HOOK3: variants seen among roughly 807,000 people sequenced by gnomAD.
The protein encoded by HOOK3 is hook microtubule tethering protein 3.
A neutral mutation model predicts 116.3 loss-of-function variants in HOOK3; 24 were observed. The observed-to-expected ratio is 0.21, with a 90% CI of 0.15 to 0.29. The LOEUF (loss-of-function observed/expected upper bound fraction) is 0.29. Ranked by LOEUF, HOOK3 falls within the 10% of genes least tolerant of loss-of-function variation. HOOK3 has a pLI of 1.00. For synonymous variants in HOOK3, 275 were observed against 283.0 expected, an observed-to-expected ratio of 0.97 and a Z score of 0.28; for missense variants, 632 against 830.2, an observed-to-expected ratio of 0.76 and a Z score of 2.93.
chr8:42,974,230 C>T (rs769374211), intron 13 of HOOK3, 36 bp downstream of exon 13: 1 of 1,340,366 alleles, frequency 7.5e-7, no homozygotes, highest in Non-Finnish European at 1.0e-6. Context: ...CAGATGATTT[C>T]TTTTTTTTTT....
At chr8:42,911,363 A>C (rs1807425975) in intron 2 of HOOK3, among the ~76,000 whole-genome samples, 2 of 152,090 alleles carry the variant, frequency 1.3e-5, no homozygotes, top group South Asian at 4.1e-4. Context: ...AGGAAGGAGA[A>C]TTGCTTGAAC....
rs1808713559 is a variant in HOOK3 at position 42,970,790 on chromosome 8, T to TTTTTTTTTTTTTTTTTTTTTG, written c.1123-2486_1123-2485insTTTTTTTGTTTTTTTTTTTTT. 1.3e-5 allele frequency among the ~76,000 whole-genome samples: 2 copies of TTTTTTTTTTTTTTTTTTTTTG among 148,172 alleles called. 1 individual carries two copies. Among genetic ancestry groups the TTTTTTTTTTTTTTTTTTTTTG allele is most frequent in the African/African-American group, 5.1e-5 (2 of 39,424 alleles). On this transcript the variant is annotated intron_variant, in intron 11 of 21. Transcript: ENST00000307602. ...ATAAAAGGAATTTGGGTCTTTTTTTTTTTTTTTTTTTTTCTGAGACAGGGT... is the reference window on the plus strand; with the variant it reads ...ATAAAAGGAATTTGGGTCTTTTTTTTTTTTTTTTTTTTTTTTTTTTGTTTTTTTTTTTTTCTGAGACAGGGT...
At chr8:42,925,391 C>T (rs1807744215) in intron 2 of HOOK3, among the ~76,000 whole-genome samples, 166 bp from the exon 3 acceptor site, 1 of 152,254 alleles carries the variant, frequency 6.6e-6, no homozygotes, top group South Asian at 2.1e-4. Context: ...AGCCACCATA[C>T]CTGGCCAACT....
rs775990816 is a variant in HOOK3 at position 42,964,457 on chromosome 8, C to A, written c.762C>A (p.Leu254=). 2 of 1,611,086 alleles carry A rather than the reference C, an allele frequency of 1.2e-6. No individual in the cohort carries two copies. Among genetic ancestry groups the A allele is most frequent in the Non-Finnish European group, 1.7e-6 (2 of 1,179,322 alleles). ...AGCTCCAGACTCAATTAGAACAGCT[C>A]CAAGAAGAAACATTCAGGTAAAAGA... ...HLQLQTQLEQ[L]QEETFRLEAA... The change falls in exon 9 of 22, where the codon CTC becomes CTA. Residue 254 remains leucine (L), a synonymous_variant. Transcript: ENST00000307602.
chr8:43,012,714 C>T (rs1809636307), intron 19 of HOOK3, among the ~76,000 whole-genome samples: 1 of 152,092 alleles, frequency 6.6e-6, no homozygotes, highest in Admixed American at 6.5e-5. Flanking sequence ...ATCGTCCTGC[C>T]TCAGCCTCCA....
chr8:43,013,456 A>C, intron 21 of HOOK3, 56 bp downstream of exon 21: 1 of 1,358,604 alleles, frequency 7.4e-7, no homozygotes, highest in South Asian at 1.5e-5. Context: ...TGTAATACTT[A>C]TTATATTCCC....
At chr8:42,950,665 C>T (rs2130396417) in intron 6 of HOOK3, among the ~76,000 whole-genome samples, 1 of 151,870 alleles carries the variant, frequency 6.6e-6, no homozygotes, top group Admixed American at 6.6e-5. Context: ...ATTTATTTTG[C>T]AGGTATAGAT....
In HOOK3 at chr8:43,020,484, G is replaced by A. The variant is rs989369123; in HGVS notation, c.*1986G>A. 3 of 182,836 alleles carry A rather than the reference G, an allele frequency of 1.6e-5. No homozygotes were observed. The highest frequency in any genetic ancestry group is 7.1e-5 in the African/African-American group (3 of 42,506). 11.3% of individuals were successfully genotyped at this position (182,836 alleles called of 1,614,324 possible). On this transcript the variant is annotated 3_prime_UTR_variant, in exon 22 of 22. Coordinates refer to ENST00000307602, the MANE Select transcript of HOOK3 (RefSeq NM_032410.4). ...ATCTCACCATTTGGGAGACCTAGGT[G>A]GGGGTGGATCACTTGAGGTCAGGAG...
intron 19 of HOOK3, 30 bp downstream of exon 19, chr8:43,010,435 C>A: frequency 2.4e-6 from 2 of 827,228 alleles, no homozygotes; most frequent in Non-Finnish European, 1.8e-6. Flanking sequence ...GCATCTCACT[C>A]TACCTTCTGA....
chr8:42,906,396 G>A (rs1563287952), intron 2 of HOOK3, 138 bp downstream of exon 2: 1 of 639,770 alleles, frequency 1.6e-6, no homozygotes, highest in Non-Finnish European at 2.8e-6. Flanking sequence ...AGTTTTAATG[G>A]AATGTACTTA....
At chr8:42,996,034 A>G (rs546367238) in intron 15 of HOOK3, among the ~76,000 whole-genome samples, 1 of 152,256 alleles carries the variant, frequency 6.6e-6, no homozygotes, top group East Asian at 1.9e-4. Flanking sequence ...ATCACCCAAG[A>G]CCTTGGGAGG....
rs935452723 is a variant in HOOK3, at chr8:43,026,957, T to A, written c.*8459T>A. 1.6e-5 allele frequency: 3 copies of A among 183,566 alleles called. No individual in the cohort carries two copies. The Admixed American group carries it at 1.9e-4, about 11-fold the overall frequency. The allele number at this position is 183,566 out of a possible 1,614,324, so 11.4% of individuals were successfully genotyped here. A position where few individuals can be genotyped will look rare whatever the true frequency, so the allele number is the denominator to read the frequency against. The stretch of plus-strand genomic sequence containing the variant: ...CCCAGGCTGGAGTGCAGTGGCACAA[T>A]CTCAGCTCACTGCAGCCTCCACCTC... On this transcript the variant is annotated 3_prime_UTR_variant, in exon 22 of 22. Coordinates refer to ENST00000307602, the MANE Select transcript of HOOK3 (RefSeq NM_032410.4).
Position 43,022,452 on chromosome 8 carries a change from G to C in HOOK3, c.*3954G>C. On this transcript the variant is annotated 3_prime_UTR_variant, in exon 22 of 22. Coordinates refer to ENST00000307602, the MANE Select transcript of HOOK3 (RefSeq NM_032410.4). ...TGGGTTGGAGCACACTGTCACCACAGTGTCTGAAGTCTTATAAACAGGAAG... is the reference window on the plus strand; with the variant it reads ...TGGGTTGGAGCACACTGTCACCACACTGTCTGAAGTCTTATAAACAGGAAG... The C allele has an allele frequency of 5.0e-6, 1 of 200,294 alleles. No homozygotes were observed. The allele number at this position is 200,294 out of a possible 1,614,324, so 12.4% of individuals were successfully genotyped here.
In HOOK3 at chr8:43,018,615, TAG is replaced by T. The variant is rs1809765922; in HGVS notation, c.*118_*119del. 1 of 1,041,454 alleles carries T rather than the reference TAG, an allele frequency of 9.6e-7. No homozygotes were observed. Among genetic ancestry groups the T allele is most frequent in the African/African-American group, 1.6e-5 (1 of 62,154 alleles). 64.5% of individuals were successfully genotyped at this position (1,041,454 alleles called of 1,614,324 possible). On this transcript the variant is annotated 3_prime_UTR_variant, in exon 22 of 22. Coordinates refer to ENST00000307602, the MANE Select transcript of HOOK3 (RefSeq NM_032410.4). ...TTTGTTTCTCTTCTATGTCAATACT[TAG>T]TGTTTCTCATTTTGAGGACTTTTTC...
chr8:42,987,816 A>G (rs1266106387), intron 15 of HOOK3, among the ~76,000 whole-genome samples: 2 of 151,940 alleles, frequency 1.3e-5, no homozygotes, highest in Non-Finnish European at 2.9e-5. Context: ...TAGATCACAA[A>G]CATACAGTTT....
In HOOK3 at chr8:42,939,931, C is replaced by T. The variant is rs1198872743; in HGVS notation, c.268-3382C>T. On this transcript the variant is annotated intron_variant, in intron 4 of 21. Transcript: ENST00000307602. ...CTCACTTCCTAGATGGGATGGCGGC[C>T]GGGAAGAGGCGCTCCTCACTTCCTA... Among the ~76,000 whole-genome samples the T allele has an allele frequency of 7.3e-5, 11 of 150,318 alleles. 1 individual carries two copies. Among genetic ancestry groups the T allele is most frequent in the East Asian group, 4.0e-4 (2 of 5,056 alleles).
chr8:43,005,937 C>A (rs888672811), intron 17 of HOOK3, among the ~76,000 whole-genome samples: 37 of 151,444 alleles, frequency 2.4e-4, no homozygotes, highest in Non-Finnish European at 7.4e-5. Context: ...CCTTGTGATC[C>A]ACCCGCCTTG....
At position 43,024,723 on chromosome 8, in the gene HOOK3, A is replaced by G. The variant is rs1441593988; in HGVS notation, c.*6225A>G. Reference sequence around the variant, plus strand: ...TTTTGTTGAAAATGTTTTATTGTCCAGTTTTAACACAGAAGTGGTCTAAAG... The same window carrying G: ...TTTTGTTGAAAATGTTTTATTGTCCGGTTTTAACACAGAAGTGGTCTAAAG... On this transcript the variant is annotated 3_prime_UTR_variant, in exon 22 of 22. Coordinates refer to ENST00000307602, the MANE Select transcript of HOOK3 (RefSeq NM_032410.4). 5.1e-6 allele frequency: 1 copy of G among 194,492 alleles called. No individual in the cohort carries two copies. Among genetic ancestry groups the G allele is most frequent in the Admixed American group, 6.1e-5 (1 of 16,442 alleles). 12.0% of individuals were successfully genotyped at this position (194,492 alleles called of 1,614,324 possible). A position where few individuals can be genotyped will look rare whatever the true frequency, so the allele number is the denominator to read the frequency against.
chr8:42,918,990 G>T lies in HOOK3; in HGVS notation c.144-6567G>T, dbSNP rs866547272. Among the ~76,000 whole-genome samples, 7 of 151,454 alleles carry T rather than the reference G, an allele frequency of 4.6e-5. No homozygotes were observed. In the South Asian group the frequency reaches 6.3e-4, roughly 14 times the overall value. On this transcript the variant is annotated intron_variant, in intron 2 of 21. Transcript: ENST00000307602. ...AGGGGCTCCTCACTTCCCAGACGGG[G>T]CGGCCGGGCAGAGGCGCCCCCCACC...
Sources: allele counts gnomAD v4.1 joint callset (sites outside exome capture counted in the v4.1 genomes callset), GRCh38; gene constraint gnomAD v4.1.1; transcripts MANE v1.5; gene names NCBI Gene and HGNC (gene_info 2026-07-23, HGNC 2026-07-21).